Variants in DCAF15 observed in about 807,000 individuals in gnomAD.
DCAF15 encodes the protein DDB1 and CUL4 associated factor 15, also known as DDB1- and CUL4-associated factor 15.
DCAF15 carries 24 observed loss-of-function variants against 68.0 expected under a neutral mutation model. The ratio of observed to expected loss-of-function variants is 0.35; its 90% confidence interval spans 0.26 to 0.50. DCAF15 has a LOEUF of 0.50. Among genes scored for constraint, DCAF15 ranks in the 20% least tolerant of loss-of-function variants. DCAF15 has a pLI of 0.98. For missense variants in DCAF15, 627 were observed against 830.6 expected (o/e 0.75, Z 3.01); for synonymous variants, 376 against 341.6 (o/e 1.10, Z -1.11).
Position 13,959,485 on chromosome 19 carries a change from C to T in DCAF15, c.1219+6C>T, listed in dbSNP as rs367646374. 6.2e-6 allele frequency: 10 copies of T among 1,608,810 alleles called. No individual in the cohort carries two copies. The highest frequency in any genetic ancestry group is 2.2e-5 in the East Asian group (1 of 44,772). On this transcript the variant is annotated splice_donor_region_variant and intron_variant, in intron 7 of 12. Coordinates refer to ENST00000254337, the MANE Select transcript of DCAF15 (RefSeq NM_138353.4). ...GGGGACGGAGCCGGAGGATGGTGAG[C>T]GGGGGGCAGGCATGTGACAGGGCCT...
Position 13,953,356 on chromosome 19 carries a change from G to A in DCAF15, c.132+712G>A, listed in dbSNP as rs566393263. The A allele has an allele frequency of 9.8e-6, 5 of 509,368 alleles. No homozygotes were observed. The East Asian group carries it at 1.9e-4, about 19-fold the overall frequency. 31.6% of individuals were successfully genotyped at this position (509,368 alleles called of 1,614,324 possible). On this transcript the variant is annotated intron_variant, in intron 1 of 12. Coordinates refer to ENST00000254337, the MANE Select transcript of DCAF15 (RefSeq NM_138353.4). The stretch of plus-strand genomic sequence containing the variant: ...CTGTGTCTCTGTGGACAGGGACTGC[G>A]CCTTCTCCGTGAGGCTGGTAGCTTT...
intron 1 of DCAF15, 103 bp downstream of exon 1, chr19:13,952,747 G>A: frequency 8.3e-7 from 1 of 1,206,228 alleles, no homozygotes. Flanking sequence ...TTGGGGGCGG[G>A]GCCCCAGGGG....
In DCAF15 at chr19:13,960,460, C is replaced by G; in HGVS notation, c.1632-5C>G. 6.2e-7 allele frequency: 1 copy of G among 1,611,490 alleles called. No homozygotes were observed. The highest frequency in any genetic ancestry group is 1.1e-5 in the South Asian group (1 of 90,916). The stretch of plus-strand genomic sequence containing the variant: ...ACGAGAGCCACTCACCCCCTGGCCC[C>G]GCAGCGGCAGTGTCTGGAGCTCCTA... On this transcript the variant is annotated splice_polypyrimidine_tract_variant and splice_region_variant and intron_variant, in intron 11 of 12. Transcript: ENST00000254337.
chr19:13,960,422 C>T (rs368400746), intron 11 of DCAF15, 31 bp downstream of exon 11: 15 of 1,612,386 alleles, frequency 9.3e-6, no homozygotes, highest in Middle Eastern at 1.7e-4. Context: ...AGGGTCAGGG[C>T]GCGGCCAAGG....
chr19:13,953,614 C>T (rs1001941041), intron 1 of DCAF15, among the ~76,000 whole-genome samples: 2 of 152,246 alleles, frequency 1.3e-5, no homozygotes, highest in Non-Finnish European at 2.9e-5. Context: ...AGACAGGGAG[C>T]TTCCCAGACA....
At position 13,960,468 on chromosome 19, in the gene DCAF15, C is replaced by A; in HGVS notation, c.1635C>A (p.Gly545=). Residue 545 remains glycine (G), a synonymous_variant, in exon 12 of 13, where the codon GGC becomes GGA. Coordinates refer to ENST00000254337, the MANE Select transcript of DCAF15 (RefSeq NM_138353.4). ...DLTEVKGQTS[G]SVWSSYRKSC... ...CACTCACCCCCTGGCCCCGCAGCGG[C>A]AGTGTCTGGAGCTCCTACCGCAAGA... 6.2e-7 allele frequency: 1 copy of A among 1,611,680 alleles called. No individual in the cohort carries two copies. Among genetic ancestry groups the A allele is most frequent in the African/African-American group, 1.3e-5 (1 of 75,034 alleles).
At chr19:13,957,220 C>A (rs1973400381) in intron 6 of DCAF15, among the ~76,000 whole-genome samples, 1 of 152,190 alleles carries the variant, frequency 6.6e-6, no homozygotes, top group Non-Finnish European at 1.5e-5. Context: ...GGAAAGATGC[C>A]AGTGAGAATC....
chr19:13,959,214 C>G lies in DCAF15; in HGVS notation c.954C>G (p.Ala318=). The change falls in exon 7 of 13, where the codon GCC becomes GCG. Residue 318 remains alanine (A), a synonymous_variant. Coordinates refer to ENST00000254337, the MANE Select transcript of DCAF15 (RefSeq NM_138353.4). ...SGSPEPSPAI[A]KAKEFVADIF... ...CTCCTGAGCCCTCGCCCGCCATTGC[C>G]AAAGCCAAGGAGTTTGTGGCTGACA... 1 of 1,613,136 alleles carries G rather than the reference C, an allele frequency of 6.2e-7. No homozygotes were observed. The highest frequency in any genetic ancestry group is 8.5e-7 in the Non-Finnish European group (1 of 1,179,932).
Position 13,959,971 on chromosome 19 carries a change from C to A in DCAF15, c.1441-13C>A, listed in dbSNP as rs759438282. On this transcript the variant is annotated splice_polypyrimidine_tract_variant and intron_variant, in intron 9 of 12. Transcript: ENST00000254337. The stretch of plus-strand genomic sequence containing the variant: ...CGCCCTCAACAGTTGGCATCATCCA[C>A]CCCCACCCCCAGGTCTGCCCAGAAA... 1 of 1,613,018 alleles carries A rather than the reference C, an allele frequency of 6.2e-7. No individual in the cohort carries two copies. Among genetic ancestry groups the A allele is most frequent in the East Asian group, 2.2e-5 (1 of 44,834 alleles).
At chr19:13,960,729 G>C in intron 12 of DCAF15, 149 bp downstream of exon 12, 2 of 1,005,564 alleles carry the variant, frequency 2.0e-6, no homozygotes, top group Non-Finnish European at 2.9e-6. Flanking sequence ...CCCTGAAAGT[G>C]TGGGGCCTGG....
intron 1 of DCAF15, 105 bp from the exon 2 acceptor site, chr19:13,954,235 T>A: frequency 1.1e-6 from 1 of 922,988 alleles, no homozygotes; most frequent in Non-Finnish European, 1.7e-6. Context: ...TATGGTGGGC[T>A]GGGCCGGTCT....
At chr19:13,959,725 G>C (rs1218970017) in intron 8 of DCAF15, 42 bp from the exon 9 acceptor site, 2 of 1,612,632 alleles carry the variant, frequency 1.2e-6, no homozygotes, top group African/African-American at 1.3e-5. Context: ...GCTGCCGGGG[G>C]GCAGTTGGCA....
In DCAF15 at chr19:13,961,156, G is replaced by T. The variant is rs923953101; in HGVS notation, c.*161G>T. 1.2e-6 allele frequency: 1 copy of T among 814,998 alleles called. No individual in the cohort carries two copies. Among genetic ancestry groups the T allele is most frequent in the Non-Finnish European group, 2.0e-6 (1 of 509,558 alleles). The allele number at this position is 814,998 out of a possible 1,614,324, so 50.5% of individuals were successfully genotyped here. On this transcript the variant is annotated 3_prime_UTR_variant, in exon 13 of 13. Transcript: ENST00000254337. ...TGGGCAGGGCAGCCTCTGTTGGCCTGAGGGTCTGGACGCTTTTTATTTATG... is the reference window on the plus strand; with the variant it reads ...TGGGCAGGGCAGCCTCTGTTGGCCTTAGGGTCTGGACGCTTTTTATTTATG...
At chr19:13,956,549 C>T (rs536144261) in intron 6 of DCAF15, 27 bp downstream of exon 6, 18 of 1,609,646 alleles carry the variant, frequency 1.1e-5, no homozygotes, top group Non-Finnish European at 1.5e-5. Context: ...CGTGGCCACC[C>T]GGCAACGCGT....
chr19:13,960,365 C>T lies in DCAF15; in HGVS notation c.1605C>T (p.Asp535=), dbSNP rs1973567431. The change falls in exon 11 of 13, where the codon GAC becomes GAT. Residue 535 remains aspartate (D), a synonymous_variant. Coordinates refer to ENST00000254337, the MANE Select transcript of DCAF15 (RefSeq NM_138353.4). ...TCTTCGAGACAGTCAGTGTAGGCGACCTGACTGAGGTCAAAGGGCAGACCA... is the reference window on the plus strand; with the variant it reads ...TCTTCGAGACAGTCAGTGTAGGCGATCTGACTGAGGTCAAAGGGCAGACCA... ...TGIFETVSVG[D]LTEVKGQTSG... is the part of the protein sequence containing the mutation. 1 of 1,613,870 alleles carries T rather than the reference C, an allele frequency of 6.2e-7. No homozygotes were observed. Among genetic ancestry groups the T allele is most frequent in the Non-Finnish European group, 8.5e-7 (1 of 1,179,988 alleles).
chr19:13,954,480 G>A, intron 2 of DCAF15, 43 bp downstream of exon 2: 1 of 1,613,974 alleles, frequency 6.2e-7, no homozygotes, highest in Non-Finnish European at 8.5e-7. Context: ...GGCGGGAGTG[G>A]TGGGCTCGCC....
intron 6 of DCAF15, among the ~76,000 whole-genome samples, chr19:13,956,880 C>T (rs934078420): frequency 3.9e-5 from 6 of 152,312 alleles, no homozygotes; most frequent in East Asian, 1.9e-4. Flanking sequence ...CTCAGCCTCC[C>T]GAGAAGCTGG....
At chr19:13,953,194 C>T (rs541845665) in intron 1 of DCAF15, 24 of 1,468,038 alleles carry the variant, frequency 1.6e-5, no homozygotes, top group African/African-American at 1.6e-4. Flanking sequence ...GTGAGAGTTA[C>T]CGAAGCAGGC....
chr19:13,953,044 G>C, intron 1 of DCAF15: 1 of 1,505,728 alleles, frequency 6.6e-7, no homozygotes, highest in Non-Finnish European at 9.0e-7. Context: ...CCTGCCGCTG[G>C]CTTTGGGCTT....
Sources: gnomAD v4.1 joint callset for allele counts (sites outside exome capture counted in the v4.1 genomes callset) on GRCh38, gnomAD v4.1.1 for gene constraint, MANE v1.5 for transcripts, NCBI Gene and HGNC (gene_info 2026-07-23, HGNC 2026-07-21) for gene names.